The following CSNK1G1 variants were observed in gnomAD, a reference collection of about 807,000 sequenced individuals.
CSNK1G1 encodes casein kinase 1 gamma 1.
In CSNK1G1, 22 loss-of-function variants were observed where a neutral mutation model predicts 59.6. The ratio of observed to expected loss-of-function variants is 0.37; its 90% CI spans 0.26 to 0.53. CSNK1G1 has a LOEUF of 0.53. Among genes scored for constraint, CSNK1G1 ranks in the 20% least tolerant of loss-of-function variants. The pLI is 0.89. For missense variants in CSNK1G1, 384 were observed against 519.5 expected, an observed-to-expected ratio of 0.74 and a Z score of 2.54; for synonymous variants, 179 against 177.1, an observed-to-expected ratio of 1.01 and a Z score of -0.08.
chr15:64,305,703 A>C (rs541448991), intron 1 of CSNK1G1, among the ~76,000 whole-genome samples: 74 of 150,268 alleles, frequency 4.9e-4, no homozygotes, highest in East Asian at 1.9e-3. Context: ...TCCAAAAAAA[A>C]AAAAACAAAA....
At chr15:64,342,895 A>G (rs1307399727) in intron 1 of CSNK1G1, among the ~76,000 whole-genome samples, 1 of 152,136 alleles carries the variant, frequency 6.6e-6, no homozygotes, top group Non-Finnish European at 1.5e-5. Flanking sequence ...TAGAGTTTCC[A>G]ATTCAGTAGG....
intron 1 of CSNK1G1, among the ~76,000 whole-genome samples, chr15:64,306,883 A>G (rs1271319796): frequency 6.6e-6 from 1 of 151,904 alleles, no homozygotes; most frequent in Admixed American, 6.6e-5. Context: ...AATCCATTTG[A>G]AAAAGCTAAA....
chr15:64,236,164 A>G (rs2082614308), intron 4 of CSNK1G1, among the ~76,000 whole-genome samples: 1 of 151,596 alleles, frequency 6.6e-6, no homozygotes, highest in Non-Finnish European at 1.5e-5. Flanking sequence ...AAAAAAAAGA[A>G]AAGAAAAGAA....
intron 1 of CSNK1G1, among the ~76,000 whole-genome samples, chr15:64,305,414 T>TAAAAC (rs902094049): frequency 1.3e-5 from 2 of 151,818 alleles, no homozygotes; most frequent in African/African-American, 2.4e-5. Flanking sequence ...GCATTTAAGC[T>TAAAAC]AAAACAAAAC....
At chr15:64,338,954 T>C (rs986723383) in intron 1 of CSNK1G1, among the ~76,000 whole-genome samples, 1 of 151,364 alleles carries the variant, frequency 6.6e-6, no homozygotes, top group South Asian at 2.1e-4. Context: ...GAGGTGGAGA[T>C]AGCAGTGAGC....
At chr15:64,288,948 G>A (rs909545017) in intron 2 of CSNK1G1, among the ~76,000 whole-genome samples, 1 of 151,966 alleles carries the variant, frequency 6.6e-6, no homozygotes, top group Non-Finnish European at 1.5e-5. Context: ...GCCAAGGTGG[G>A]CAGATCACCT....
At chr15:64,327,703 G>A (rs1896924613) in intron 1 of CSNK1G1, among the ~76,000 whole-genome samples, 1 of 151,760 alleles carries the variant, frequency 6.6e-6, no homozygotes. Flanking sequence ...AGAGAAGAAG[G>A]CTTCAGACGA....
At chr15:64,251,465 C>T (rs751278401) in intron 4 of CSNK1G1, 47 bp downstream of exon 4, 2 of 1,372,008 alleles carry the variant, frequency 1.5e-6, no homozygotes, top group Non-Finnish European at 2.0e-6. Flanking sequence ...TTAGGGCTTC[C>T]AGCTAAGATA....
At chr15:64,323,001 T>A (rs1239084465) in intron 1 of CSNK1G1, among the ~76,000 whole-genome samples, 1 of 151,962 alleles carries the variant, frequency 6.6e-6, no homozygotes, top group Admixed American at 6.6e-5. Context: ...CATCTCACTG[T>A]AGCTTCAACC....
intron 4 of CSNK1G1, among the ~76,000 whole-genome samples, chr15:64,231,857 C>CT: frequency 6.6e-6 from 1 of 152,238 alleles, no homozygotes; most frequent in South Asian, 2.1e-4. Flanking sequence ...TACCATTAAC[C>CT]TCACTGTCCT....
rs560497325 is a variant in CSNK1G1, at chr15:64,192,921, T to C, written c.1107+10161A>G. 5.3e-5 allele frequency among the ~76,000 whole-genome samples: 8 copies of C among 151,850 alleles called. 1 individual carries two copies. Among genetic ancestry groups the C allele is most frequent in the African/African-American group, 1.7e-4 (7 of 41,424 alleles). ...AAAAACTCATTTTAAAAAATTATTTTTGATTACATATACAAACAACTTTAT... is the reference window on the plus strand; with the variant it reads ...AAAAACTCATTTTAAAAAATTATTTCTGATTACATATACAAACAACTTTAT... On this transcript the variant is annotated intron_variant, in intron 10 of 11. Coordinates refer to ENST00000303052, the MANE Select transcript of CSNK1G1 (RefSeq NM_022048.5).
chr15:64,221,166 A>C (rs978479103), intron 4 of CSNK1G1, among the ~76,000 whole-genome samples: 9 of 152,230 alleles, frequency 5.9e-5, no homozygotes, highest in African/African-American at 1.9e-4. Context: ...CGTTGGTTAA[A>C]TTGCAAATCT....
intron 4 of CSNK1G1, among the ~76,000 whole-genome samples, chr15:64,233,891 A>G (rs2082580920): frequency 6.6e-6 from 1 of 152,168 alleles, no homozygotes; most frequent in African/African-American, 2.4e-5. Flanking sequence ...TTTCTTCACA[A>G]AATTAAGCAT....
intron 1 of CSNK1G1, among the ~76,000 whole-genome samples, chr15:64,301,468 T>A (rs1379697669): frequency 6.6e-6 from 1 of 151,680 alleles, no homozygotes; most frequent in Non-Finnish European, 1.5e-5. Flanking sequence ...TGCAATGAGA[T>A]AATTTTGATG....
At chr15:64,271,517 G>A (rs1159665981) in intron 2 of CSNK1G1, among the ~76,000 whole-genome samples, 18 of 151,996 alleles carry the variant, frequency 1.2e-4, no homozygotes, top group Admixed American at 1.3e-4. Flanking sequence ...TTGAACTCCC[G>A]AGCTCAAGCA....
At position 64,259,483 on chromosome 15, in the gene CSNK1G1, T is replaced by TACACACAC. The variant is rs59936401; in HGVS notation, c.182-250_182-243dup. On this transcript the variant is annotated intron_variant, in intron 2 of 11. Coordinates refer to ENST00000303052, the MANE Select transcript of CSNK1G1 (RefSeq NM_022048.5). ...CCTAAAAGAGAAAACAAATCTCTCT[T>TACACACAC]ACACACACACACACACACACACACA... Among the ~76,000 whole-genome samples, 854 of 139,804 alleles carry TACACACAC rather than the reference T, an allele frequency of 6.1e-3. 7 individuals are homozygous for TACACACAC. Among genetic ancestry groups the TACACACAC allele is most frequent in the South Asian group, 0.014 (58 of 4,274 alleles). 91.7% of individuals were successfully genotyped at this position (139,804 alleles called of 152,430 possible). A position where few individuals can be genotyped will look rare whatever the true frequency, so the allele number is the denominator to read the frequency against.
chr15:64,236,108 A>G (rs1596138114), intron 4 of CSNK1G1, among the ~76,000 whole-genome samples: 1 of 140,632 alleles, frequency 7.1e-6, no homozygotes, highest in South Asian at 2.3e-4. Context: ...GTGCCACCAC[A>G]CCCCAGCCTG....
At chr15:64,343,208 AACACACACAC>A (rs3057760) in intron 1 of CSNK1G1, among the ~76,000 whole-genome samples, 6 of 109,954 alleles carry the variant, frequency 5.5e-5, no homozygotes, top group Middle Eastern at 4.2e-3. Context: ...GCAAAACTCC[AACACACACAC>A]ACACACACAC....
At chr15:64,341,663 C>G (rs550863679) in intron 1 of CSNK1G1, among the ~76,000 whole-genome samples, 6 of 152,114 alleles carry the variant, frequency 3.9e-5, no homozygotes, top group African/African-American at 1.4e-4. Flanking sequence ...TTTATAGAGA[C>G]AGAGTCTTGC....
Sources: gnomAD v4.1 joint callset for allele counts (sites outside exome capture counted in the v4.1 genomes callset) on GRCh38, gnomAD v4.1.1 for gene constraint, MANE v1.5 for transcripts, NCBI Gene and HGNC (gene_info 2026-07-23, HGNC 2026-07-21) for gene names.